The following AGT variants were observed in gnomAD, a reference collection of about 807,000 sequenced individuals.
The protein encoded by AGT is alpha-1 antiproteinase, antitrypsin.
In AGT, 26 loss-of-function variants were observed where a neutral mutation model predicts 28.1. That is an observed-to-expected ratio of 0.92 (90% CI 0.68 to 1.28). AGT has a LOEUF of 1.28. Among genes scored for constraint, AGT ranks in the 50% most tolerant of loss-of-function variants. AGT has a pLI of 0.00. For missense variants in AGT, 596 were observed against 592.3 expected (o/e 1.01, Z -0.06); for synonymous variants, 259 against 259.6 (o/e 1.00, Z 0.02).
intron 1 of AGT, among the ~76,000 whole-genome samples, chr1:230,739,617 C>T (rs1664212559): frequency 6.6e-6 from 1 of 152,116 alleles, no homozygotes; most frequent in Admixed American, 6.5e-5. Flanking sequence ...CGGTGCATTG[C>T]CCCCGATAGG....
chr1:230,728,328 C>T (rs180819867), intron 1 of AGT, among the ~76,000 whole-genome samples: 1 of 152,304 alleles, frequency 6.6e-6, no homozygotes, highest in East Asian at 1.9e-4. Flanking sequence ...ATTCAGGCCC[C>T]TCTCATTCTT....
chr1:230,728,848 C>A (rs1474315498), intron 1 of AGT, among the ~76,000 whole-genome samples: 1 of 152,198 alleles, frequency 6.6e-6, no homozygotes, highest in Non-Finnish European at 1.5e-5. Context: ...ACCTTATACT[C>A]CCTGCAATCC....
In AGT at chr1:230,737,908, CCTAAGCAACCA is replaced by C. The variant is rs534523164; in HGVS notation, c.-31+7596_-31+7606del. Among the ~76,000 whole-genome samples, 250 of 152,236 alleles carry C rather than the reference CCTAAGCAACCA, an allele frequency of 1.6e-3. 2 individuals carry two copies. Among genetic ancestry groups the C allele is most frequent in the Non-Finnish European group, 2.1e-3 (143 of 68,022 alleles). ...CCTCCCACTTCACCCCATCCCCAGCCCTAAGCAACCACTAATGACTTCCTGTCTCCATAGAT... is the reference window on the plus strand; with the variant it reads ...CCTCCCACTTCACCCCATCCCCAGCCCTAATGACTTCCTGTCTCCATAGAT... On this transcript the variant is annotated intron_variant, in intron 1 of 4. Coordinates refer to the AGT transcript ENST00000681269.
intron 1 of AGT, among the ~76,000 whole-genome samples, chr1:230,735,208 T>C (rs1256822494): frequency 2.0e-5 from 3 of 152,046 alleles, no homozygotes; most frequent in Non-Finnish European, 2.9e-5. Flanking sequence ...CACTGAACGC[T>C]TCCTTCCACT....
intron 1 of AGT, among the ~76,000 whole-genome samples, chr1:230,723,745 G>T (rs777305089): frequency 6.6e-6 from 1 of 152,078 alleles, no homozygotes; most frequent in African/African-American, 2.4e-5. Flanking sequence ...TAGGAAAAAT[G>T]GTTATCTTCT....
rs576515482 is a variant in AGT, at chr1:230,722,433, A to T, written c.-30-11580T>A. Among the ~76,000 whole-genome samples the T allele has an allele frequency of 2.6e-5, 4 of 152,316 alleles. No homozygotes were observed. The East Asian group carries it at 7.7e-4, about 29-fold the overall frequency. ...CACTGCCTAGTGGAACTGTGAGAAG[A>T]CGGCCACCATCCTCCAGACCCCAGA... is the stretch of plus-strand genomic sequence containing the variant. On this transcript the variant is annotated intron_variant, in intron 1 of 4. Coordinates refer to the AGT transcript ENST00000681269.
intron 1 of AGT, among the ~76,000 whole-genome samples, chr1:230,723,701 C>A (rs1281687460): frequency 6.6e-6 from 1 of 152,088 alleles, no homozygotes; most frequent in Non-Finnish European, 1.5e-5. Flanking sequence ...TGATGTGAGT[C>A]CGAGTGATTG....
At chr1:230,724,037 A>G (rs1663892595) in intron 1 of AGT, among the ~76,000 whole-genome samples, 1 of 152,250 alleles carries the variant, frequency 6.6e-6, no homozygotes, top group African/African-American at 2.4e-5. Context: ...AAGGATTGGC[A>G]AACTACAGCC....
At chr1:230,735,525 C>G (rs1664140062) in intron 1 of AGT, among the ~76,000 whole-genome samples, 1 of 152,160 alleles carries the variant, frequency 6.6e-6, no homozygotes, top group Non-Finnish European at 1.5e-5. Flanking sequence ...CTTTGCCCCC[C>G]TGCCCAACCC....
chr1:230,710,664 T>C lies in AGT; in HGVS notation c.160A>G (p.Lys54Glu), dbSNP rs748637904. The C allele has an allele frequency of 6.2e-7, 1 of 1,614,252 alleles. No individual in the cohort carries two copies. Among genetic ancestry groups the C allele is most frequent in the Non-Finnish European group, 8.5e-7 (1 of 1,180,036 alleles). The change falls in exon 2 of 5, where the codon AAA (lysine) becomes GAA (glutamate). Residue 54 changes from lysine (K) to glutamate (E), a missense_variant. Transcript: ENST00000366667. ...GGAGCAGGTATGAAGGTGGGGTCTT[T>C]GGGCTTCCCGGCATTGGCCTTTGCC... ...QLAKANAGKPKDPTFIPAPIQ... is the reference protein window; with the variant it reads ...QLAKANAGKPEDPTFIPAPIQ...
chr1:230,708,024 A>G (rs375172678), intron 2 of AGT, among the ~76,000 whole-genome samples: 1 of 152,092 alleles, frequency 6.6e-6, no homozygotes, highest in Non-Finnish European at 1.5e-5. Flanking sequence ...TAAATAGAAC[A>G]TCATTGCTAA....
chr1:230,741,398 A>G (rs16852515), intron 1 of AGT, among the ~76,000 whole-genome samples: 2 of 152,154 alleles, frequency 1.3e-5, no homozygotes, highest in Non-Finnish European at 2.9e-5. Flanking sequence ...CTATGCGCCT[A>G]CAAGCTGGGA....
chr1:230,733,606 A>T (rs1465998870), intron 1 of AGT, among the ~76,000 whole-genome samples: 1 of 152,176 alleles, frequency 6.6e-6, no homozygotes, highest in Non-Finnish European at 1.5e-5. Flanking sequence ...ATCCTTGCTT[A>T]TTGTGTGAAA....
chr1:230,729,185 C>A (rs1256262102), intron 1 of AGT, among the ~76,000 whole-genome samples: 1 of 152,202 alleles, frequency 6.6e-6, no homozygotes, highest in Non-Finnish European at 1.5e-5. Context: ...CCCTTTGACC[C>A]CCACCTTCCA....
In AGT at chr1:230,704,184, C is replaced by G; in HGVS notation, c.1242+9G>C. The G allele has an allele frequency of 6.2e-7, 1 of 1,614,268 alleles. No homozygotes were observed. The highest frequency in any genetic ancestry group is 1.1e-5 in the South Asian group (1 of 91,086). On this transcript the variant is annotated intron_variant, in intron 4 of 4. Coordinates refer to ENST00000366667, the MANE Select transcript of AGT (RefSeq NM_001384479.1). ...CCCAGGTCAGGCACAGACACAGGCT[C>G]ACACATACCTCCCCCACCCTGATGC... is the stretch of plus-strand genomic sequence containing the variant.
intron 1 of AGT, among the ~76,000 whole-genome samples, chr1:230,724,596 G>C (rs2478531): frequency 0.072 from 7,790 of 107,692 alleles, 254 homozygotes; most frequent in Middle Eastern, 0.15. Context: ...GGCTGAGGTG[G>C]GTGAAACACT....
intron 1 of AGT, among the ~76,000 whole-genome samples, chr1:230,742,008 A>T (rs1474904556): frequency 6.6e-6 from 1 of 152,164 alleles, no homozygotes; most frequent in Non-Finnish European, 1.5e-5. Context: ...GTGAGCTATG[A>T]TCATGTCACT....
At chr1:230,717,012 C>CTGAGA (rs1349521200), upstream of AGT, among the ~76,000 whole-genome samples, 1 of 150,958 alleles carries the variant, frequency 6.6e-6, no homozygotes, top group African/African-American at 2.4e-5. Context: ...AATTGCTTTG[C>CTGAGA]TGAGATGTTG....
chr1:230,733,150 G>A (rs552739657), intron 1 of AGT, among the ~76,000 whole-genome samples: 1 of 152,120 alleles, frequency 6.6e-6, no homozygotes, highest in East Asian at 1.9e-4. Context: ...AGGCATGGTG[G>A]CGCATGCCTG....
Sources: allele counts gnomAD v4.1 joint callset (sites outside exome capture counted in the v4.1 genomes callset), GRCh38; gene constraint gnomAD v4.1.1; transcripts MANE v1.5; gene names NCBI Gene and HGNC (gene_info 2026-07-23, HGNC 2026-07-21).